ERBIN: variants seen among roughly 807,000 people sequenced by gnomAD.
ERBIN encodes the protein erbb2 interacting protein, also known as densin-180-like protein.
Under a neutral mutation model 158.4 loss-of-function variants are expected in ERBIN, and 60 were observed. The observed-to-expected ratio is 0.38, with a 90% confidence interval of 0.31 to 0.47. ERBIN has a LOEUF of 0.47. Among genes scored for constraint, ERBIN ranks in the 20% least tolerant of loss-of-function variants. ERBIN has a pLI of 0.99. For missense variants in ERBIN, 1,610 were observed against 1,648.0 expected (o/e 0.98, Z 0.40); for synonymous variants, 594 against 557.2 (o/e 1.07, Z -0.93).
Position 65,992,704 on chromosome 5 carries a change from T to C in ERBIN, c.-9-6T>C, listed in dbSNP as rs765861370. 5 of 1,567,754 alleles carry C rather than the reference T, an allele frequency of 3.2e-6. No homozygotes were observed. In the African/African-American group the frequency reaches 5.5e-5, roughly 17 times the overall value. ...TTTTAAATTTCTTTTTATTCGAATA[T>C]TGCAGTGTCTAAAAATGACTACAAA... On this transcript the variant is annotated splice_region_variant and splice_polypyrimidine_tract_variant and intron_variant, in intron 2 of 25. Transcript: ENST00000284037.
intron 1 of ERBIN, among the ~76,000 whole-genome samples, chr5:65,938,180 A>G (rs1402212188): frequency 6.6e-6 from 1 of 152,084 alleles, no homozygotes; most frequent in East Asian, 1.9e-4. Flanking sequence ...GAGGGAGGGC[A>G]AGGGCTTCTG....
chr5:66,001,764 C>A (rs749268872), intron 4 of ERBIN, among the ~76,000 whole-genome samples: 1 of 152,042 alleles, frequency 6.6e-6, no homozygotes, highest in Non-Finnish European at 1.5e-5. Context: ...TTTCTTTTCT[C>A]GAGTTTTGGT....
At chr5:66,003,103 G>T (rs1753176837) in intron 4 of ERBIN, among the ~76,000 whole-genome samples, 1 of 152,156 alleles carries the variant, frequency 6.6e-6, no homozygotes, top group African/African-American at 2.4e-5. Flanking sequence ...ATCATCATTT[G>T]AGTTTGCAAT....
intron 4 of ERBIN, among the ~76,000 whole-genome samples, chr5:66,003,401 G>A (rs1753205142): frequency 6.6e-6 from 1 of 152,116 alleles, no homozygotes; most frequent in African/African-American, 2.4e-5. Context: ...TGATTGGGAA[G>A]GTTTCAGAAA....
intron 21 of ERBIN, among the ~76,000 whole-genome samples, chr5:66,062,145 T>C (rs1760460788): frequency 6.6e-6 from 1 of 152,236 alleles, no homozygotes; most frequent in Non-Finnish European, 1.5e-5. Context: ...GTTTTCCAAC[T>C]TGGTTCCATT....
chr5:65,975,451 G>A lies in ERBIN; in HGVS notation c.-57-13184G>A, dbSNP rs1749749536. On this transcript the variant is annotated intron_variant, in intron 1 of 25. Coordinates refer to ENST00000284037, the MANE Select transcript of ERBIN (RefSeq NM_001253697.2). ...CTCCTGAATAGCTGGAATTATGGGT[G>A]CCCGGCATCACGCCTGGCTAATTTT... 2.0e-5 allele frequency among the ~76,000 whole-genome samples: 3 copies of A among 151,940 alleles called. No individual in the cohort carries two copies. The South Asian group carries it at 6.2e-4, about 32-fold the overall frequency.
chr5:66,018,487 T>A lies in ERBIN; in HGVS notation c.534-2835T>A, dbSNP rs907386739. Among the ~76,000 whole-genome samples the A allele has an allele frequency of 1.4e-3, 9 of 6,566 alleles. 1 individual carries two copies. Among genetic ancestry groups the A allele is most frequent in the African/African-American group, 5.6e-3 (7 of 1,248 alleles). 4.3% of individuals were successfully genotyped at this position (6,566 alleles called of 152,430 possible). A position where few individuals can be genotyped will look rare whatever the true frequency, so the allele number is the denominator to read the frequency against. On this transcript the variant is annotated intron_variant, in intron 7 of 25. Transcript: ENST00000284037. ...TATAATATATATTATATATTATATA[T>A]TATATTATATAATATATATTATATA...
At chr5:66,074,462 A>T (rs1343778948) in intron 22 of ERBIN, among the ~76,000 whole-genome samples, 1 of 152,242 alleles carries the variant, frequency 6.6e-6, no homozygotes, top group Non-Finnish European at 1.5e-5. Context: ...GGAATAAATC[A>T]GTTTTCTACA....
intron 1 of ERBIN, among the ~76,000 whole-genome samples, chr5:65,965,382 GTTTTTTTTTTTTTTTTTTTTTTTTTTTT>G (rs200847060): frequency 1.5e-3 from 147 of 96,058 alleles, no homozygotes; most frequent in Non-Finnish European, 2.5e-3. Flanking sequence ...GTTTTTTGTT[GTTTTTTTTTTTTTTTTTTTTTTTTTTTT>G]TTTTTTTTTT....
chr5:66,036,874 A>C (rs757395790), intron 14 of ERBIN, among the ~76,000 whole-genome samples: 6 of 152,242 alleles, frequency 3.9e-5, no homozygotes, highest in Non-Finnish European at 7.3e-5. Flanking sequence ...CTGAGAGGCC[A>C]GATATACTGT....
chr5:66,051,052 TAATA>T (rs1180948587), intron 20 of ERBIN, 86 bp downstream of exon 20: 94 of 799,464 alleles, frequency 1.2e-4, no homozygotes, highest in Non-Finnish European at 1.7e-4. Flanking sequence ...ATATAGGGTT[TAATA>T]AATATTATAG....
chr5:65,976,068 A>G (rs767770719), intron 1 of ERBIN, among the ~76,000 whole-genome samples: 8 of 152,232 alleles, frequency 5.3e-5, no homozygotes, highest in Non-Finnish European at 1.0e-4. Context: ...GTGATTGGGA[A>G]GTACTCTGGC....
chr5:66,044,387 T>G, intron 17 of ERBIN, 77 bp downstream of exon 17: 1 of 1,314,016 alleles, frequency 7.6e-7, no homozygotes. Context: ...TAGTGCCCCT[T>G]TTCATGTACT....
chr5:66,054,871 G>C lies in ERBIN; in HGVS notation c.3553G>C (p.Asp1185His), dbSNP rs1368480935. Reference protein sequence around the residue: ...ARVGSEHSLLDPPGKSKVPRD... With the variant: ...ARVGSEHSLLHPPGKSKVPRD... ...GGTTGGTTCTGAGCATTCTTTATTA[G>C]ATCCTCCAGGAAAAAGTAAAGTTCC... Residue 1185 changes from aspartate (D) to histidine (H), a missense_variant, in exon 21 of 26, where the codon GAT becomes CAT. By Grantham distance (81) the Asp-to-His change is moderately conservative. Coordinates refer to ENST00000284037, the MANE Select transcript of ERBIN (RefSeq NM_001253697.2). 2 of 1,614,016 alleles carry C rather than the reference G, an allele frequency of 1.2e-6. No homozygotes were observed. The highest frequency in any genetic ancestry group is 1.7e-6 in the Non-Finnish European group (2 of 1,179,952).
At chr5:65,949,637 A>T (rs145695776) in intron 1 of ERBIN, among the ~76,000 whole-genome samples, 1 of 152,228 alleles carries the variant, frequency 6.6e-6, no homozygotes, top group African/African-American at 2.4e-5. Flanking sequence ...GAACTGCTAA[A>T]TAGTCCAGAG....
chr5:65,951,730 T>C (rs1417502072), intron 1 of ERBIN, among the ~76,000 whole-genome samples: 2 of 152,218 alleles, frequency 1.3e-5, no homozygotes, highest in Non-Finnish European at 2.9e-5. Context: ...AAGTCCTTGT[T>C]TTTAGACTGT....
chr5:66,014,625 C>T lies in ERBIN; in HGVS notation c.477-44C>T, dbSNP rs764139031. ...GAATATGAAATTAATTTATTAAATTCATTGTCTTTGTCCTAAATACATGAT... is the reference window on the plus strand; with the variant it reads ...GAATATGAAATTAATTTATTAAATTTATTGTCTTTGTCCTAAATACATGAT... On this transcript the variant is annotated intron_variant, in intron 6 of 25. Transcript: ENST00000284037. 6 of 903,184 alleles carry T rather than the reference C, an allele frequency of 6.6e-6. No individual in the cohort carries two copies. In the Admixed American group the frequency reaches 1.7e-4, roughly 25 times the overall value. The allele number at this position is 903,184 out of a possible 1,614,324, so 55.9% of individuals were successfully genotyped here. A position where few individuals can be genotyped will look rare whatever the true frequency, so the allele number is the denominator to read the frequency against.
At chr5:66,000,187 G>A (rs1324333044) in intron 4 of ERBIN, among the ~76,000 whole-genome samples, 1 of 151,804 alleles carries the variant, frequency 6.6e-6, no homozygotes, top group African/African-American at 2.4e-5. Flanking sequence ...TGTATGTATT[G>A]GGTAAACTTT....
chr5:66,007,035 C>T (rs1753678481), intron 4 of ERBIN, among the ~76,000 whole-genome samples: 1 of 149,702 alleles, frequency 6.7e-6, no homozygotes, highest in South Asian at 2.1e-4. Context: ...AATCCCATTA[C>T]TGGGTATATA....
Sources: allele counts gnomAD v4.1 joint callset (sites outside exome capture counted in the v4.1 genomes callset), GRCh38; gene constraint gnomAD v4.1.1; transcripts MANE v1.5; gene names NCBI Gene and HGNC (gene_info 2026-07-23, HGNC 2026-07-21).